Variants in CNTNAP2 observed in about 807,000 individuals in gnomAD.
CNTNAP2 encodes contactin-associated protein-like 2.
In CNTNAP2, 98 loss-of-function variants were observed where a neutral mutation model predicts 155.2. That is an observed-to-expected ratio of 0.63 (90% confidence interval 0.54 to 0.75). CNTNAP2 has a LOEUF of 0.75. Ranked by LOEUF, CNTNAP2 falls within the 30% of genes least tolerant of loss-of-function variation. The pLI, the probability that CNTNAP2 is intolerant of heterozygous loss-of-function variation, is 0.00. For missense variants in CNTNAP2, 1,727 were observed against 1,688.1 expected, an observed-to-expected ratio of 1.02 and a Z score of -0.40; for synonymous variants, 651 against 631.2, an observed-to-expected ratio of 1.03 and a Z score of -0.47.
chr7:146,964,958 T>TA lies in CNTNAP2; in HGVS notation c.403-78941dup, dbSNP rs530065248. Among the ~76,000 whole-genome samples, 234 of 151,420 alleles carry TA rather than the reference T, an allele frequency of 1.5e-3. 1 individual carries two copies. Among genetic ancestry groups the TA allele is most frequent in the Middle Eastern group, 6.8e-3 (2 of 292 alleles). ...GAGAATCGTTTAGGAAATGAATTTA[T>TA]AAAAAAAACAAAACAAAACAAAACA... is the stretch of plus-strand genomic sequence containing the variant. On this transcript the variant is annotated intron_variant, in intron 3 of 23. Coordinates refer to ENST00000361727, the MANE Select transcript of CNTNAP2 (RefSeq NM_014141.6).
intron 1 of CNTNAP2, among the ~76,000 whole-genome samples, chr7:146,240,004 G>A (rs1364717447): frequency 6.6e-6 from 1 of 152,064 alleles, no homozygotes; most frequent in African/African-American, 2.4e-5. Flanking sequence ...TTATAAAGGG[G>A]CAATGTAAAA....
intron 21 of CNTNAP2, among the ~76,000 whole-genome samples, chr7:148,299,234 CCCTCCTCAG>C (rs1176142796): frequency 1.3e-5 from 2 of 152,162 alleles, no homozygotes; most frequent in Non-Finnish European, 2.9e-5. Flanking sequence ...TTGTGATGTG[CCCTCCTCAG>C]CCTCCCAAAA....
At chr7:147,612,366 T>G (rs1457583442) in intron 12 of CNTNAP2, among the ~76,000 whole-genome samples, 2 of 151,904 alleles carry the variant, frequency 1.3e-5, no homozygotes, top group Non-Finnish European at 2.9e-5. Flanking sequence ...AAATATAATT[T>G]CAAATATAAA....
intron 10 of CNTNAP2, among the ~76,000 whole-genome samples, chr7:147,459,506 T>C (rs1797980079): frequency 6.6e-6 from 1 of 152,098 alleles, no homozygotes. Context: ...ATCTTGGAAA[T>C]GTGGGTGAGC....
chr7:148,214,135 G>C (rs1035470490), intron 18 of CNTNAP2, among the ~76,000 whole-genome samples: 33 of 152,132 alleles, frequency 2.2e-4, no homozygotes, highest in Admixed American at 2.0e-3. Flanking sequence ...GTTCCAGGGG[G>C]CCCTGTGTCT....
chr7:146,649,458 A>G (rs1035388879), intron 1 of CNTNAP2, among the ~76,000 whole-genome samples: 4 of 152,162 alleles, frequency 2.6e-5, no homozygotes, highest in Non-Finnish European at 5.9e-5. Flanking sequence ...TCATATAGCT[A>G]CATATTGTCA....
chr7:146,747,628 G>T lies in CNTNAP2; in HGVS notation c.98-26643G>T, dbSNP rs115609714. On this transcript the variant is annotated intron_variant, in intron 1 of 23. Transcript: ENST00000361727. ...CGTTTAAACAGAAATGAAAGGCAAAGATCAAAGTAACCCATTAAACTCTAT... is the reference window on the plus strand; with the variant it reads ...CGTTTAAACAGAAATGAAAGGCAAATATCAAAGTAACCCATTAAACTCTAT... Among the ~76,000 whole-genome samples, 722 of 152,236 alleles carry T rather than the reference G, an allele frequency of 4.7e-3. 6 individuals carry two copies. The highest frequency in any genetic ancestry group is 0.016 in the African/African-American group (653 of 41,544).
At chr7:147,771,025 G>A (rs1178366060) in intron 13 of CNTNAP2, among the ~76,000 whole-genome samples, 1 of 152,138 alleles carries the variant, frequency 6.6e-6, no homozygotes, top group Non-Finnish European at 1.5e-5. Context: ...GAATAGAATA[G>A]AGGACTCAAA....
At chr7:146,397,880 A>T (rs543062807) in intron 1 of CNTNAP2, among the ~76,000 whole-genome samples, 22,035 of 121,678 alleles carry the variant, frequency 0.18, 3,004 homozygotes, top group African/African-American at 0.46. Flanking sequence ...GCTTTTATTT[A>T]TTTATTTATT....
At chr7:147,131,008 G>A (rs1801340766) in intron 7 of CNTNAP2, among the ~76,000 whole-genome samples, 3 of 145,356 alleles carry the variant, frequency 2.1e-5, no homozygotes, top group African/African-American at 4.9e-5. Context: ...GTGCTAAAAT[G>A]GAAGAAATCA....
chr7:147,378,305 A>G (rs976716685), intron 9 of CNTNAP2, among the ~76,000 whole-genome samples: 4 of 152,030 alleles, frequency 2.6e-5, no homozygotes, highest in South Asian at 4.1e-4. Flanking sequence ...TTATATTGGT[A>G]TATAATAGGT....
chr7:148,128,923 C>T lies in CNTNAP2; in HGVS notation c.2554+10635C>T, dbSNP rs567180100. Among the ~76,000 whole-genome samples, 78 of 152,272 alleles carry T rather than the reference C, an allele frequency of 5.1e-4. 1 individual carries two copies. The highest frequency in any genetic ancestry group is 9.4e-4 in the Non-Finnish European group (64 of 68,022). On this transcript the variant is annotated intron_variant, in intron 16 of 23. Transcript: ENST00000361727. ...GCAGCTCCTATGGGTGCCACATAAC[C>T]GCAGTCTCTCCACATCGCCTTTCCT... is the stretch of plus-strand genomic sequence containing the variant.
chr7:147,856,159 G>A (rs1251965525), intron 13 of CNTNAP2, among the ~76,000 whole-genome samples: 1 of 151,844 alleles, frequency 6.6e-6, no homozygotes, highest in Non-Finnish European at 1.5e-5. Context: ...CGACCCTGCT[G>A]CCTCCTGGAG....
At position 146,224,255 on chromosome 7, in the gene CNTNAP2, G is replaced by C. The variant is rs139727678; in HGVS notation, c.97+107282G>C. On this transcript the variant is annotated intron_variant, in intron 1 of 23. Coordinates refer to ENST00000361727, the MANE Select transcript of CNTNAP2 (RefSeq NM_014141.6). ...TCACATAGGGAGGGACCATGTGCTG[G>C]TCAGGAAATAAACAGCTTTCTGGCA... Among the ~76,000 whole-genome samples the C allele has an allele frequency of 7.2e-3, 1,097 of 152,224 alleles. 12 individuals carry two copies. The highest frequency in any genetic ancestry group is 0.024 in the African/African-American group (1,016 of 41,538).
intron 8 of CNTNAP2, among the ~76,000 whole-genome samples, chr7:147,187,882 A>G (rs1802599830): frequency 6.6e-6 from 1 of 152,184 alleles, no homozygotes; most frequent in Non-Finnish European, 1.5e-5. Flanking sequence ...CCACATGGTG[A>G]AACCCTGTCT....
intron 1 of CNTNAP2, among the ~76,000 whole-genome samples, chr7:146,280,463 T>A (rs1009865993): frequency 1.3e-5 from 2 of 152,176 alleles, no homozygotes; most frequent in African/African-American, 4.8e-5. Flanking sequence ...ATACTTGCCT[T>A]TTGATATTAA....
intron 1 of CNTNAP2, among the ~76,000 whole-genome samples, chr7:146,752,231 C>T (rs542739283): frequency 1.2e-3 from 181 of 152,250 alleles, no homozygotes; most frequent in African/African-American, 4.1e-3. Flanking sequence ...AACTAATTTA[C>T]ACTCCCACCA....
At chr7:146,657,617 C>T (rs887713987) in intron 1 of CNTNAP2, among the ~76,000 whole-genome samples, 5 of 152,074 alleles carry the variant, frequency 3.3e-5, no homozygotes, top group Non-Finnish European at 7.4e-5. Flanking sequence ...ACCCTCTTAT[C>T]TTTGAATACT....
At chr7:146,308,583 G>A (rs987030845) in intron 1 of CNTNAP2, among the ~76,000 whole-genome samples, 15 of 151,456 alleles carry the variant, frequency 9.9e-5, no homozygotes, top group African/African-American at 1.9e-4. Context: ...CAACCCAAAC[G>A]TCCATCAATG....
Sources: allele counts gnomAD v4.1 joint callset (sites outside exome capture counted in the v4.1 genomes callset), GRCh38; gene constraint gnomAD v4.1.1; transcripts MANE v1.5; gene names NCBI Gene and HGNC (gene_info 2026-07-23, HGNC 2026-07-21).